The following KANSL1 variants were observed in gnomAD, a reference collection of about 807,000 sequenced individuals.
KANSL1 encodes KAT8 regulatory NSL complex subunit 1, also known as MLL1/MLL complex subunit KANSL1.
Under a neutral mutation model 103.6 loss-of-function variants are expected in KANSL1, and 22 were observed. That is an observed-to-expected ratio of 0.21 (90% CI 0.15 to 0.30). The LOEUF (loss-of-function observed/expected upper bound fraction) is 0.30, where lower values mean the gene tolerates loss of function less well. KANSL1 is among the 10% of genes least tolerant of loss of function. The pLI is 1.00. For missense variants in KANSL1, 1,337 were observed against 1,399.8 expected (o/e 0.96, Z 0.72); for synonymous variants, 600 against 527.6 (o/e 1.14, Z -1.88).
chr17:46,072,728 T>C (rs1336322328), intron 4 of KANSL1, among the ~76,000 whole-genome samples: 2 of 152,216 alleles, frequency 1.3e-5, no homozygotes, highest in African/African-American at 4.8e-5. Context: ...TCTGCCTATG[T>C]GGGGCTATGT....
intron 1 of KANSL1, among the ~76,000 whole-genome samples, chr17:46,176,484 A>AG (rs1419389041): frequency 1.3e-5 from 2 of 152,172 alleles, no homozygotes; most frequent in Non-Finnish European, 2.9e-5. Context: ...TGAGGTCAGG[A>AG]GTTCAAGACC....
At chr17:46,081,083 A>G (rs1429649698) in intron 4 of KANSL1, among the ~76,000 whole-genome samples, 1 of 152,166 alleles carries the variant, frequency 6.6e-6, no homozygotes, top group African/African-American at 2.4e-5. Context: ...CTGTCTCACA[A>G]TCACTGTGGA....
intron 2 of KANSL1, among the ~76,000 whole-genome samples, chr17:46,137,718 T>C (rs2044221009): frequency 6.6e-6 from 1 of 151,448 alleles, no homozygotes; most frequent in South Asian, 2.1e-4. Context: ...ATACAAAAAA[T>C]TGGCCAGGCG....
intron 3 of KANSL1, among the ~76,000 whole-genome samples, chr17:46,084,215 T>C (rs11079732): frequency 0.55 from 84,029 of 151,492 alleles, 23,611 homozygotes; most frequent in East Asian, 0.89. Flanking sequence ...AACCCCATCT[T>C]TACTAAAAAT....
intron 3 of KANSL1, among the ~76,000 whole-genome samples, chr17:46,084,935 G>A (rs1296308896): frequency 6.6e-6 from 1 of 152,046 alleles, no homozygotes; most frequent in Non-Finnish European, 1.5e-5. Context: ...GTACACCACT[G>A]CCTTCTCAAA....
At chr17:46,072,041 C>A (rs1320427780) in intron 4 of KANSL1, among the ~76,000 whole-genome samples, 2 of 148,688 alleles carry the variant, frequency 1.3e-5, no homozygotes, top group Admixed American at 1.4e-4. Context: ...ACTAACATAG[C>A]AATGAGATTC....
chr17:46,094,541 T>A lies in KANSL1; in HGVS notation c.1431+19A>T, dbSNP rs773750810. 4.4e-6 allele frequency: 7 copies of A among 1,604,428 alleles called. No individual in the cohort carries two copies. Among genetic ancestry groups the A allele is most frequent in the Non-Finnish European group, 5.9e-6 (7 of 1,176,996 alleles). On this transcript the variant is annotated intron_variant, in intron 3 of 14. Coordinates refer to ENST00000432791, the MANE Select transcript of KANSL1 (RefSeq NM_015443.4). The stretch of plus-strand genomic sequence containing the variant: ...TAGTTTTCGGCAGCATTTAAAAACA[T>A]CAGATACTTATCCCTTACCTTATTA...
intron 2 of KANSL1, among the ~76,000 whole-genome samples, chr17:46,142,167 G>A (rs1424483600): frequency 6.6e-6 from 1 of 152,208 alleles, no homozygotes; most frequent in Non-Finnish European, 1.5e-5. Context: ...TGTCTGGAAG[G>A]ATGAAGAATT....
At chr17:46,180,064 T>TAA (rs1280293623) in intron 1 of KANSL1, among the ~76,000 whole-genome samples, 2 of 141,290 alleles carry the variant, frequency 1.4e-5, no homozygotes, top group African/African-American at 5.3e-5. Flanking sequence ...GACTCCATCT[T>TAA]AAAAAAAAAA....
chr17:46,155,139 T>C (rs1360524724), intron 2 of KANSL1, among the ~76,000 whole-genome samples: 2 of 150,340 alleles, frequency 1.3e-5, no homozygotes, highest in Admixed American at 6.6e-5. Context: ...CCTAATCCAA[T>C]AGTTCTCAGC....
chr17:46,212,682 T>C (rs980535569), intron 1 of KANSL1, among the ~76,000 whole-genome samples: 2 of 152,244 alleles, frequency 1.3e-5, no homozygotes, highest in South Asian at 2.1e-4. Context: ...TCTTTCTATG[T>C]ATCTTAATTT....
chr17:46,127,381 G>A (rs2043623367), intron 2 of KANSL1, among the ~76,000 whole-genome samples: 1 of 152,232 alleles, frequency 6.6e-6, no homozygotes, highest in South Asian at 2.1e-4. Flanking sequence ...CATCAAGTTA[G>A]AAACAGTTTT....
At chr17:46,220,219 A>AT (rs113260952) in intron 1 of KANSL1, among the ~76,000 whole-genome samples, 15,778 of 145,476 alleles carry the variant, frequency 0.11, 42 homozygotes, top group Non-Finnish European at 0.17. Flanking sequence ...GTTCTTTAAA[A>AT]TTTTTTTTTT....
chr17:46,051,011 A>C (rs1300110884), intron 6 of KANSL1, among the ~76,000 whole-genome samples: 1 of 152,192 alleles, frequency 6.6e-6, no homozygotes, highest in African/African-American at 2.4e-5. Context: ...AAAGATACTA[A>C]AACTGTGCTT....
rs2044164151 is a variant in KANSL1, at chr17:46,136,730, A to G, written c.1289+34125T>C. 2.0e-5 allele frequency among the ~76,000 whole-genome samples: 3 copies of G among 152,352 alleles called. No individual in the cohort carries two copies. In the South Asian group the frequency reaches 6.2e-4, roughly 32 times the overall value. Reference sequence around the variant, plus strand: ...ACTCATTTTATTAAATTTACATCATATCCTTCTTCCCAGGGTTCAAAATTA... The same window carrying G: ...ACTCATTTTATTAAATTTACATCATGTCCTTCTTCCCAGGGTTCAAAATTA... On this transcript the variant is annotated intron_variant, in intron 2 of 14. Coordinates refer to ENST00000432791, the MANE Select transcript of KANSL1 (RefSeq NM_015443.4).
At chr17:46,179,220 T>A (rs1184704201) in intron 1 of KANSL1, among the ~76,000 whole-genome samples, 1 of 152,212 alleles carries the variant, frequency 6.6e-6, no homozygotes, top group East Asian at 1.9e-4. Flanking sequence ...ATCCTAAAGA[T>A]TATACACACA....
intron 1 of KANSL1, among the ~76,000 whole-genome samples, chr17:46,210,922 A>C (rs1173379810): frequency 6.6e-6 from 1 of 152,216 alleles, no homozygotes; most frequent in East Asian, 1.9e-4. Context: ...GTTCCCGTGT[A>C]GACAAAATTG....
intron 2 of KANSL1, among the ~76,000 whole-genome samples, chr17:46,155,287 A>G (rs1261159368): frequency 1.3e-5 from 2 of 151,056 alleles, no homozygotes; most frequent in Admixed American, 6.7e-5. Flanking sequence ...CTTCCCAAGT[A>G]GCTGGGACTA....
intron 7 of KANSL1, chr17:46,041,510 C>T (rs1490627322): frequency 3.3e-5 from 5 of 152,274 alleles, no homozygotes; most frequent in Admixed American, 2.0e-4. Flanking sequence ...GGGGCATGCT[C>T]AGAAGTTCCC....
Sources: allele counts gnomAD v4.1 joint callset (sites outside exome capture counted in the v4.1 genomes callset), GRCh38; gene constraint gnomAD v4.1.1; transcripts MANE v1.5; gene names NCBI Gene and HGNC (gene_info 2026-07-23, HGNC 2026-07-21).